Variants in PIGV observed in about 807,000 individuals in gnomAD.
The protein encoded by PIGV is GPI alpha-1,6-mannosyltransferase 2.
In PIGV, 27 loss-of-function variants were observed where a neutral mutation model predicts 39.2. The ratio of observed to expected loss-of-function variants is 0.69; its 90% CI spans 0.51 to 0.95. The LOEUF (loss-of-function observed/expected upper bound fraction) is 0.95, where lower values mean the gene tolerates loss of function less well. Among genes scored for constraint, PIGV ranks in the 40% least tolerant of loss-of-function variants. The probability of loss-of-function intolerance (pLI) is 0.00; values close to 1 mark genes in which losing one functional copy is unlikely to be tolerated. For synonymous variants in PIGV, 232 were observed against 241.7 expected, an observed-to-expected ratio of 0.96 and a Z score of 0.37; for missense variants, 523 against 586.4, an observed-to-expected ratio of 0.89 and a Z score of 1.12.
chr1:26,790,192 G>A (rs1203607371), intron 1 of PIGV, among the ~76,000 whole-genome samples: 1 of 152,186 alleles, frequency 6.6e-6, no homozygotes, highest in Non-Finnish European at 1.5e-5. Flanking sequence ...GCTAGAGTGT[G>A]GAGTCATTAT....
At chr1:26,793,339 T>C (rs1035035459) in intron 2 of PIGV, among the ~76,000 whole-genome samples, 1 of 152,198 alleles carries the variant, frequency 6.6e-6, no homozygotes, top group Non-Finnish European at 1.5e-5. Context: ...GACTTCTCTC[T>C]CTTCCACTCC....
rs112360020 is a variant in PIGV at position 26,789,235 on chromosome 1, C to T, written c.-58+967C>T. Among the ~76,000 whole-genome samples the T allele has an allele frequency of 2.6e-5, 4 of 152,354 alleles. 1 individual carries two copies. The highest frequency in any genetic ancestry group is 9.6e-5 in the African/African-American group (4 of 41,582). On this transcript the variant is annotated intron_variant, in intron 1 of 3. Transcript: ENST00000674202. The stretch of plus-strand genomic sequence containing the variant: ...CACAAACTATCGTTACTGTCTGGGG[C>T]TTTCAGAAGCTTGCCTTTGAACCGA...
Position 26,794,727 on chromosome 1 carries a change from G to A in PIGV, c.693G>A (p.Leu231=). The part of the protein sequence containing the change: ...FFSSLTMLNP[L]RQLFKLMASL... Reference sequence around the variant, plus strand: ...CTTCTCTAACGATGCTGAATCCTCTGAGACAGCTCTTTAAGCTGATGGCCT... The same window carrying A: ...CTTCTCTAACGATGCTGAATCCTCTAAGACAGCTCTTTAAGCTGATGGCCT... Residue 231 remains leucine, a synonymous_variant, in exon 3 of 4, where the codon CTG becomes CTA. Transcript: ENST00000674202. 2 of 1,614,212 alleles carry A rather than the reference G, an allele frequency of 1.2e-6. No homozygotes were observed. Among genetic ancestry groups the A allele is most frequent in the Non-Finnish European group, 1.7e-6 (2 of 1,180,048 alleles).
Position 26,794,911 on chromosome 1 carries a change from C to A in PIGV, c.877C>A (p.Pro293Thr). Residue 293 changes from proline to threonine, a missense_variant, in exon 3 of 4, where the codon CCG becomes ACG. Transcript: ENST00000674202. ...KGYRIAEGNEPPWCFWDVPLI... is the reference protein window; with the variant it reads ...KGYRIAEGNETPWCFWDVPLI... ...CTACCGGATTGCAGAGGGAAATGAA[C>A]CGCCTTGGTGCTTCTGGGATGTTCC... is the stretch of plus-strand genomic sequence containing the variant. 1.2e-6 allele frequency: 2 copies of A among 1,614,188 alleles called. No homozygotes were observed. Among genetic ancestry groups the A allele is most frequent in the Non-Finnish European group, 1.7e-6 (2 of 1,180,012 alleles).
rs906229954 is a variant in PIGV, at chr1:26,799,094, T to C, written c.*1250T>C. Among the ~76,000 whole-genome samples the C allele has an allele frequency of 2.6e-5, 4 of 152,212 alleles. No homozygotes were observed. The highest frequency in any genetic ancestry group is 4.8e-5 in the African/African-American group (2 of 41,456). On this transcript the variant is annotated 3_prime_UTR_variant, in exon 4 of 4. Coordinates refer to ENST00000674202, the MANE Select transcript of PIGV (RefSeq NM_017837.4). ...GGAGAAAATATCCAGTTCTCCTGTT[T>C]TCAGCAATTAGAAGAAACTCCTCCT...
In PIGV at chr1:26,798,054, A is replaced by G. The variant is rs57189461; in HGVS notation, c.*210A>G. Reference sequence around the variant, plus strand: ...TGGCTAGGGCAAATTTTAGACAACTATTTTCTCTGTAAGTGAAGATTGTCG... The same window carrying G: ...TGGCTAGGGCAAATTTTAGACAACTGTTTTCTCTGTAAGTGAAGATTGTCG... On this transcript the variant is annotated 3_prime_UTR_variant, in exon 4 of 4. Coordinates refer to ENST00000674202, the MANE Select transcript of PIGV (RefSeq NM_017837.4). The G allele has an allele frequency of 0.064, 37,437 of 588,020 alleles. 1,461 individuals carry two copies. The highest frequency in any genetic ancestry group is 0.079 in the Non-Finnish European group (26,178 of 329,730). The allele number at this position is 588,020 out of a possible 1,614,324, so 36.4% of individuals were successfully genotyped here. A position where few individuals can be genotyped will look rare whatever the true frequency, so the allele number is the denominator to read the frequency against.
chr1:26,794,036 T>C (rs1164836469), intron 2 of PIGV, 77 bp from the exon 3 acceptor site: 2 of 1,407,116 alleles, frequency 1.4e-6, no homozygotes, highest in African/African-American at 1.4e-5. Flanking sequence ...AGCCTGGCCT[T>C]CTTCCTCATT....
In PIGV at chr1:26,794,286, CTT is replaced by C; in HGVS notation, c.254_255del (p.Phe85CysfsTer15). Reference sequence around the variant, plus strand: ...AGCATGGCTACCTGTATGAGCACAACTTTGCCTTCTTTCCTGGTTTCCCCTTG... The same window carrying C: ...AGCATGGCTACCTGTATGAGCACAACTGCCTTCTTTCCTGGTTTCCCCTTG... ...AEHGYLYEHN[F>X]AFFPGFPLAL... On this transcript the variant is annotated frameshift_variant, in exon 3 of 4. Coordinates refer to ENST00000674202, the MANE Select transcript of PIGV (RefSeq NM_017837.4). LOFTEE classifies it high-confidence loss of function. 1 of 1,614,242 alleles carries C rather than the reference CTT, an allele frequency of 6.2e-7. No individual in the cohort carries two copies. Among genetic ancestry groups the C allele is most frequent in the Non-Finnish European group, 8.5e-7 (1 of 1,180,046 alleles).
chr1:26,797,930 C>T lies in PIGV; in HGVS notation c.*86C>T. 1 of 1,107,268 alleles carries T rather than the reference C, an allele frequency of 9.0e-7. No individual in the cohort carries two copies. The highest frequency in any genetic ancestry group is 1.4e-6 in the Non-Finnish European group (1 of 722,648). 68.6% of individuals were successfully genotyped at this position (1,107,268 alleles called of 1,614,324 possible). ...ACACATTGGAACTGCCTCTGCTGCC[C>T]TGGGATCATTACTGTGTCCATTATA... On this transcript the variant is annotated 3_prime_UTR_variant, in exon 4 of 4. Coordinates refer to ENST00000674202, the MANE Select transcript of PIGV (RefSeq NM_017837.4).
chr1:26,788,781 C>G (rs1466819003), intron 1 of PIGV: 2 of 152,190 alleles, frequency 1.3e-5, no homozygotes, highest in Admixed American at 6.5e-5. Context: ...GCCTATTTAT[C>G]TCACGGGAAA....
chr1:26,796,723 C>T (rs2081389019), intron 3 of PIGV, among the ~76,000 whole-genome samples: 1 of 152,194 alleles, frequency 6.6e-6, no homozygotes, highest in Admixed American at 6.5e-5. Context: ...CCCTAATACA[C>T]AGTTATAGTT....
At chr1:26,797,539 A>G (rs2081399743) in intron 3 of PIGV, 24 bp from the exon 4 acceptor site, 3 of 1,607,874 alleles carry the variant, frequency 1.9e-6, no homozygotes, top group Admixed American at 1.7e-5. Context: ...AAATGTCTGG[A>G]TATTCCCCTC....
intron 3 of PIGV, among the ~76,000 whole-genome samples, 179 bp downstream of exon 3, chr1:26,795,413 TAAATAAGACA>T (rs1162203911): frequency 1.3e-5 from 2 of 152,016 alleles, no homozygotes; most frequent in African/African-American, 4.8e-5. Context: ...GGATGAAACA[TAAATAAGACA>T]AAATTGCGGC....
In PIGV at chr1:26,795,008, T is replaced by A; in HGVS notation, c.974T>A (p.Val325Glu). 1 of 1,614,176 alleles carries A rather than the reference T, an allele frequency of 6.2e-7. No homozygotes were observed. Among genetic ancestry groups the A allele is most frequent in the Non-Finnish European group, 8.5e-7 (1 of 1,179,992 alleles). Residue 325 changes from valine to glutamate, a missense_variant, in exon 3 of 4, where the codon GTG becomes GAG. Val to Glu is a moderately radical substitution (Grantham distance 121). Coordinates refer to ENST00000674202, the MANE Select transcript of PIGV (RefSeq NM_017837.4). ...TTGAAATACTATGAGCTCAAGCAGG[T>A]GCCCAATTTTCTACTGGCTGCACCA... ...GFLKYYELKQ[V>E]PNFLLAAPVA...
At chr1:26,793,316 C>T (rs2081336207) in intron 2 of PIGV, among the ~76,000 whole-genome samples, 1 of 152,228 alleles carries the variant, frequency 6.6e-6, no homozygotes, top group Non-Finnish European at 1.5e-5. Context: ...CTCTGTTGAA[C>T]CCAGTCTAGG....
rs774871967 is a variant in PIGV at position 26,795,131 on chromosome 1, C to T, written c.1097C>T (p.Thr366Ile). The change falls in exon 3 of 4, where the codon ACC becomes ATC. Residue 366 changes from threonine (T) to isoleucine (I), a missense_variant. By Grantham distance (89) the Thr-to-Ile change is moderately conservative. Coordinates refer to ENST00000674202, the MANE Select transcript of PIGV (RefSeq NM_017837.4). ...CTGCAAAGGAGCAAGAACAATAAGA[C>T]CCTAGAGAAGCCCGATCTTGGATTC... is the stretch of plus-strand genomic sequence containing the variant. Reference protein sequence around the residue: ...LGLQRSKNNKTLEKPDLGFLS... With the variant: ...LGLQRSKNNKILEKPDLGFLS... The T allele has an allele frequency of 1.9e-6, 3 of 1,614,118 alleles. No homozygotes were observed. The highest frequency in any genetic ancestry group is 2.2e-5 in the South Asian group (2 of 91,076).
Position 26,794,247 on chromosome 1 carries a change from C to T in PIGV, c.213C>T (p.Phe71=). The T allele has an allele frequency of 6.2e-7, 1 of 1,614,238 alleles. No homozygotes were observed. The highest frequency in any genetic ancestry group is 8.5e-7 in the Non-Finnish European group (1 of 1,180,032). Reference sequence around the variant, plus strand: ...TGTCTCACTGGGATGCTGAACACTTCTTGTTCATTGCTGAGCATGGCTACC... The same window carrying T: ...TGTCTCACTGGGATGCTGAACACTTTTTGTTCATTGCTGAGCATGGCTACC... The part of the protein sequence containing the change: ...GGLSHWDAEH[F]LFIAEHGYLY... Residue 71 remains phenylalanine (F), a synonymous_variant, in exon 3 of 4, where the codon TTC becomes TTT. Transcript: ENST00000674202.
rs2081415449 is a variant in PIGV, at chr1:26,798,518, C to G, written c.*674C>G. 6.5e-6 allele frequency: 1 copy of G among 152,902 alleles called. No individual in the cohort carries two copies. Among genetic ancestry groups the G allele is most frequent in the Non-Finnish European group, 1.5e-5 (1 of 68,610 alleles). 9.5% of individuals were successfully genotyped at this position (152,902 alleles called of 1,614,324 possible). A position where few individuals can be genotyped will look rare whatever the true frequency, so the allele number is the denominator to read the frequency against. ...TTGAGGCCAGGAGTTTGAGACCGGC[C>G]TGGCCAACATGGCAAAACCCCGTCT... On this transcript the variant is annotated 3_prime_UTR_variant, in exon 4 of 4. Transcript: ENST00000674202.
chr1:26,795,336 C>A, intron 3 of PIGV, 102 bp downstream of exon 3: 2 of 1,324,650 alleles, frequency 1.5e-6, no homozygotes, highest in Non-Finnish European at 2.1e-6. Flanking sequence ...GTGATCCATA[C>A]TGAATTTATT....
Sources: allele counts gnomAD v4.1 joint callset (sites outside exome capture counted in the v4.1 genomes callset), GRCh38; gene constraint gnomAD v4.1.1; transcripts MANE v1.5; gene names NCBI Gene and HGNC (gene_info 2026-07-23, HGNC 2026-07-21).